Variants in ZNF730 observed in about 807,000 individuals in gnomAD.
ZNF730 encodes the protein zinc finger protein 730, also known as putative zinc finger protein 730.
A neutral mutation model predicts 12.6 loss-of-function variants in ZNF730; 12 were observed. The ratio of observed to expected loss-of-function variants is 0.95; its 90% confidence interval spans 0.61 to 1.54. The LOEUF is 1.54. Ranked by LOEUF, ZNF730 falls within the 40% of genes most tolerant of loss-of-function variation. The pLI is 0.00. For missense variants in ZNF730, 643 were observed against 583.5 expected, an observed-to-expected ratio of 1.10 and a Z score of -1.05; for synonymous variants, 194 against 195.8, an observed-to-expected ratio of 0.99 and a Z score of 0.08.
intron 1 of ZNF730, among the ~76,000 whole-genome samples, chr19:23,090,566 T>C (rs1433828594): frequency 2.0e-5 from 3 of 152,082 alleles, no homozygotes; most frequent in African/African-American, 7.2e-5. Flanking sequence ...GAGGAGAAAT[T>C]CAAGCTGGCT....
chr19:23,109,666 G>C (rs2145569158), intron 1 of ZNF730, among the ~76,000 whole-genome samples: 1 of 152,146 alleles, frequency 6.6e-6, no homozygotes. Context: ...GCCCGCCTCA[G>C]GCTCCCCAAG....
intron 1 of ZNF730, among the ~76,000 whole-genome samples, chr19:23,093,469 GCCCCTGCTGTGGGTTAGGGGGTA>G (rs1568303234): frequency 6.6e-6 from 1 of 152,192 alleles, no homozygotes; most frequent in Non-Finnish European, 1.5e-5. Flanking sequence ...CATGGTGGGT[GCCCCTGCTGTGGGTTAGGGGGTA>G]CCCCTGCTTG....
intron 1 of ZNF730, among the ~76,000 whole-genome samples, chr19:23,093,481 G>A (rs1970192805): frequency 6.6e-6 from 1 of 152,160 alleles, no homozygotes; most frequent in African/African-American, 2.4e-5. Flanking sequence ...CCCTGCTGTG[G>A]GTTAGGGGGT....
chr19:23,124,964 G>C (rs1422197081), intron 1 of ZNF730, among the ~76,000 whole-genome samples: 1 of 152,164 alleles, frequency 6.6e-6, no homozygotes, highest in Non-Finnish European at 1.5e-5. Context: ...TAGGAACCCA[G>C]ATGGAGGTGA....
chr19:23,085,836 C>CTTTTTTT lies in ZNF730; in HGVS notation c.-94+10470_-94+10476dup, dbSNP rs556123915. Among the ~76,000 whole-genome samples, 161 of 54,860 alleles carry CTTTTTTT rather than the reference C, an allele frequency of 2.9e-3. 23 individuals carry two copies. Among genetic ancestry groups the CTTTTTTT allele is most frequent in the Non-Finnish European group, 3.7e-3 (111 of 30,266 alleles). The allele number at this position is 54,860 out of a possible 152,430, so 36.0% of individuals were successfully genotyped here. A position where few individuals can be genotyped will look rare whatever the true frequency, so the allele number is the denominator to read the frequency against. On this transcript the variant is annotated intron_variant, in intron 1 of 2. Coordinates refer to the ZNF730 transcript ENST00000593635. ...GACCTATTTCACCCAATTTTTTTTT[C>CTTTTTTT]TTTTTTTTTTTTTTTTTTTTTTTTT...
upstream of ZNF730, among the ~76,000 whole-genome samples, chr19:23,114,603 C>T (rs1403372766): frequency 6.6e-5 from 10 of 152,160 alleles, no homozygotes; most frequent in East Asian, 7.7e-4. Flanking sequence ...CCGCCCGCCT[C>T]GGCCTCCCAA....
At chr19:23,141,446 T>C (rs1970918790) in intron 3 of ZNF730, among the ~76,000 whole-genome samples, 1 of 152,032 alleles carries the variant, frequency 6.6e-6, no homozygotes, top group Non-Finnish European at 1.5e-5. Flanking sequence ...GTGCACCTGT[T>C]ATCCCAGCTA....
intron 3 of ZNF730, among the ~76,000 whole-genome samples, chr19:23,137,167 CA>C (rs200452468): frequency 0.012 from 1,753 of 151,890 alleles, 14 homozygotes; most frequent in Middle Eastern, 0.027. Flanking sequence ...GAGACTCTGT[CA>C]AAAAAATAAA....
intron 1 of ZNF730, among the ~76,000 whole-genome samples, chr19:23,096,184 C>T (rs184222277): frequency 6.6e-6 from 1 of 151,858 alleles, no homozygotes; most frequent in Non-Finnish European, 1.5e-5. Context: ...TTTGTTTGGG[C>T]CCTCTTCTCA....
chr19:23,142,468 G>A (rs1398614683), intron 3 of ZNF730, among the ~76,000 whole-genome samples: 4 of 151,814 alleles, frequency 2.6e-5, no homozygotes, highest in Non-Finnish European at 4.4e-5. Context: ...CAGATCACAA[G>A]GTCAGGAGAT....
Position 23,117,093 on chromosome 19 carries a change from A to G in ZNF730, c.-81A>G. The G allele has an allele frequency of 6.2e-7, 1 of 1,607,690 alleles. No individual in the cohort carries two copies. Among genetic ancestry groups the G allele is most frequent in the Non-Finnish European group, 8.5e-7 (1 of 1,174,998 alleles). On this transcript the variant is annotated 5_prime_UTR_variant, in exon 1 of 4. Coordinates refer to ENST00000597761, the MANE Select transcript of ZNF730 (RefSeq NM_001277403.2). ...CTGCTTTGTGTCCTCTGCACGTAGA[A>G]GCCCAGCCTGTGTGGCCCTGCGACC...
chr19:23,143,239 C>A (rs537151442), intron 3 of ZNF730, among the ~76,000 whole-genome samples: 1 of 151,156 alleles, frequency 6.6e-6, no homozygotes, highest in South Asian at 2.1e-4. Context: ...AGCGAGACTC[C>A]GTCTCAAAAA....
intron 1 of ZNF730, among the ~76,000 whole-genome samples, chr19:23,132,979 T>G (rs1365175362): frequency 6.6e-6 from 1 of 152,240 alleles, no homozygotes; most frequent in African/African-American, 2.4e-5. Context: ...ACAGTGATGC[T>G]GTGTCCTGTG....
At chr19:23,139,739 G>A (rs944985143) in intron 3 of ZNF730, among the ~76,000 whole-genome samples, 6 of 151,994 alleles carry the variant, frequency 3.9e-5, no homozygotes, top group African/African-American at 1.5e-4. Flanking sequence ...TGGTCAGGCT[G>A]GTCTCGAACT....
chr19:23,136,048 G>A lies in ZNF730; in HGVS notation c.226+5G>A. ...ATATGGTAGCCAAACCCCCAGGTAG[G>A]TGACAGTAAATACAATACACAAAAC... On this transcript the variant is annotated splice_donor_5th_base_variant and intron_variant, in intron 3 of 3. Coordinates refer to ENST00000597761, the MANE Select transcript of ZNF730 (RefSeq NM_001277403.2). 1 of 1,588,430 alleles carries A rather than the reference G, an allele frequency of 6.3e-7. No homozygotes were observed. Among genetic ancestry groups the A allele is most frequent in the South Asian group, 1.1e-5 (1 of 87,398 alleles).
At chr19:23,076,436 T>G (rs1463260119) in intron 1 of ZNF730, among the ~76,000 whole-genome samples, 1 of 152,204 alleles carries the variant, frequency 6.6e-6, no homozygotes, top group African/African-American at 2.4e-5. Context: ...GTTGAAGTTT[T>G]GCTTTGGAGA....
intron 1 of ZNF730, among the ~76,000 whole-genome samples, chr19:23,107,251 TG>T (rs1243810578): frequency 1.3e-5 from 2 of 151,342 alleles, no homozygotes; most frequent in African/African-American, 4.9e-5. Context: ...TTAGTAATGA[TG>T]GGGTTTCACC....
At chr19:23,086,756 G>T (rs1327741802) in intron 1 of ZNF730, among the ~76,000 whole-genome samples, 2 of 152,112 alleles carry the variant, frequency 1.3e-5, no homozygotes, top group East Asian at 3.9e-4. Context: ...GTTTAGGATT[G>T]TCATGCCTAT....
intron 1 of ZNF730, among the ~76,000 whole-genome samples, chr19:23,102,687 G>A (rs1257651884): frequency 1.3e-5 from 2 of 151,884 alleles, no homozygotes; most frequent in East Asian, 1.9e-4. Flanking sequence ...GTAGAGACAT[G>A]GTTTCAGCAT....
Sources: allele counts gnomAD v4.1 joint callset (sites outside exome capture counted in the v4.1 genomes callset), GRCh38; gene constraint gnomAD v4.1.1; transcripts MANE v1.5; gene names NCBI Gene and HGNC (gene_info 2026-07-23, HGNC 2026-07-21).